Variants in RIGI observed in about 807,000 individuals in gnomAD.
RIGI encodes RNA sensor RIG-I, also known as antiviral innate immune response receptor RIG-I.
At chr9:32,467,980 TC>T in the RIGI span, 3 of 1,485,244 alleles carry the variant, frequency 2.0e-6, no homozygotes, top group African/African-American at 2.8e-5. Flanking sequence ...AGAGGGAACT[TC>T]CCCCTTGAAA....
At chr9:32,501,987 A>G in the RIGI span, among the ~76,000 whole-genome samples, 1,296 of 152,272 alleles carry the variant, frequency 8.5e-3, 17 homozygotes, top group Non-Finnish European at 0.013. Context: ...CATCACTATA[A>G]AAAGAAAACC....
chr9:32,507,322 T>C, the RIGI span, among the ~76,000 whole-genome samples: 1 of 152,158 alleles, frequency 6.6e-6, no homozygotes, highest in African/African-American at 2.4e-5. Flanking sequence ...TTTTTAAGAA[T>C]TGGAGGAGAA....
chr9:32,485,367 A>T, the RIGI span: 1 of 936,414 alleles, frequency 1.1e-6, no homozygotes, highest in Non-Finnish European at 1.6e-6. Flanking sequence ...AGGTATCTCT[A>T]AAACCTTTCT....
chr9:32,477,073 A>G, the RIGI span: 2 of 1,614,168 alleles, frequency 1.2e-6, no homozygotes. Context: ...AGAGGTCTTC[A>G]AGTTTAGGAT....
the RIGI span, among the ~76,000 whole-genome samples, chr9:32,499,189 T>G: frequency 6.6e-6 from 1 of 151,528 alleles, no homozygotes; most frequent in Non-Finnish European, 1.5e-5. Context: ...TTTGTCCAAA[T>G]TTTTTGCTCT....
the RIGI span, among the ~76,000 whole-genome samples, chr9:32,504,745 C>A: frequency 8.0e-6 from 1 of 125,638 alleles, no homozygotes. Context: ...ATATTTAATA[C>A]ATAAAATATA....
chr9:32,522,400 T>C, the RIGI span, among the ~76,000 whole-genome samples: 1 of 152,358 alleles, frequency 6.6e-6, no homozygotes, highest in African/African-American at 2.4e-5. Flanking sequence ...TTTTCTTGCA[T>C]ACATTTAATA....
the RIGI span, chr9:32,457,503 C>T: frequency 1.9e-5 from 19 of 1,022,972 alleles, no homozygotes; most frequent in Admixed American, 3.4e-5. Context: ...AAAAAGAAAA[C>T]CCCACAATAA....
At chr9:32,501,138 T>C in the RIGI span, among the ~76,000 whole-genome samples, 1 of 151,980 alleles carries the variant, frequency 6.6e-6, no homozygotes, top group Non-Finnish European at 1.5e-5. Flanking sequence ...ACTCTTCCCA[T>C]CCTCTCTGGA....
At chr9:32,510,636 C>G in the RIGI span, among the ~76,000 whole-genome samples, 1 of 152,118 alleles carries the variant, frequency 6.6e-6, no homozygotes, top group Non-Finnish European at 1.5e-5. Flanking sequence ...CAAAAACATA[C>G]CAAATTGTAA....
the RIGI span, among the ~76,000 whole-genome samples, chr9:32,474,831 CA>C: frequency 6.6e-6 from 1 of 152,090 alleles, no homozygotes; most frequent in East Asian, 1.9e-4. Context: ...AATTGTTCCT[CA>C]GCATTATATA....
the RIGI span, among the ~76,000 whole-genome samples, chr9:32,506,521 A>G: frequency 1.1e-4 from 16 of 152,290 alleles, no homozygotes; most frequent in African/African-American, 3.1e-4. Flanking sequence ...TTCATGTCTC[A>G]CAGCTAGTTT....
the RIGI span, chr9:32,493,822 G>A: frequency 6.2e-7 from 1 of 1,610,440 alleles, no homozygotes; most frequent in African/African-American, 1.3e-5. Context: ...AATGATATCG[G>A]TTGGGATAAT....
chr9:32,521,656 C>T, the RIGI span, among the ~76,000 whole-genome samples: 2 of 151,902 alleles, frequency 1.3e-5, no homozygotes, highest in Non-Finnish European at 2.9e-5. Context: ...TGTTAGGCTT[C>T]TTTGGTATAT....
At chr9:32,466,512 CA>C in the RIGI span, 1 of 1,343,338 alleles carries the variant, frequency 7.4e-7, no homozygotes, top group Non-Finnish European at 1.0e-6. Context: ...AATAGGTAAA[CA>C]AATAGAGGTA....
chr9:32,517,750 C>A, the RIGI span, among the ~76,000 whole-genome samples: 1 of 152,130 alleles, frequency 6.6e-6, no homozygotes, highest in Non-Finnish European at 1.5e-5. Context: ...AGTTATTGAT[C>A]AAAATGCCCA....
At chr9:32,525,244 CTT>C in the RIGI span, among the ~76,000 whole-genome samples, 28 of 152,266 alleles carry the variant, frequency 1.8e-4, no homozygotes, top group African/African-American at 6.5e-4. Context: ...TCTTTTGTCT[CTT>C]GTCTTTTATT....
chr9:32,470,941 A>G, the RIGI span, among the ~76,000 whole-genome samples: 1 of 152,238 alleles, frequency 6.6e-6, no homozygotes, highest in Non-Finnish European at 1.5e-5. Flanking sequence ...AGTGGTCTCT[A>G]CCTCAGGGTT....
chr9:32,491,458 A>C, the RIGI span: 8 of 1,521,000 alleles, frequency 5.3e-6, no homozygotes, highest in Non-Finnish European at 7.1e-6. Flanking sequence ...TCTTCACATA[A>C]TCTGATTATA....
Sources: gnomAD v4.1 joint callset for allele counts (sites outside exome capture counted in the v4.1 genomes callset) on GRCh38, gnomAD v4.1.1 for gene constraint, MANE v1.5 for transcripts, NCBI Gene and HGNC (gene_info 2026-07-23, HGNC 2026-07-21) for gene names.